SLC35D4: variants seen among roughly 807,000 people sequenced by gnomAD.
SLC35D4 encodes solute carrier family 35 member D4.
At chr18:23,286,998 A>T in the SLC35D4 span, among the ~76,000 whole-genome samples, 1 of 150,136 alleles carries the variant, frequency 6.7e-6, no homozygotes, top group Non-Finnish European at 1.5e-5. Flanking sequence ...TGCACCCCTT[A>T]CCATCTCCTT....
the SLC35D4 span, among the ~76,000 whole-genome samples, chr18:23,357,096 C>A: frequency 6.6e-6 from 1 of 152,180 alleles, no homozygotes; most frequent in Admixed American, 6.5e-5. Context: ...GGCAGCCAAC[C>A]CTGCACAAGG....
the SLC35D4 span, among the ~76,000 whole-genome samples, chr18:23,277,884 G>C: frequency 4.6e-5 from 7 of 152,190 alleles, no homozygotes; most frequent in African/African-American, 1.4e-4. Context: ...AGAGGAGTCT[G>C]TCTAAAGTTG....
the SLC35D4 span, among the ~76,000 whole-genome samples, chr18:23,406,318 T>G: frequency 2.6e-5 from 4 of 152,178 alleles, no homozygotes; most frequent in Non-Finnish European, 5.9e-5. Flanking sequence ...AGTTCTAGTA[T>G]AAGCCATGTC....
At chr18:23,297,473 G>A in the SLC35D4 span, 19,104 of 151,806 alleles carry the variant, frequency 0.13, 1,565 homozygotes, top group Admixed American at 0.26. Context: ...AGCTGTGATC[G>A]CACCACTGTG....
chr18:23,313,156 A>AAAAAAAAAAAAAT, the SLC35D4 span, among the ~76,000 whole-genome samples: 1 of 146,524 alleles, frequency 6.8e-6, no homozygotes, highest in Non-Finnish European at 1.5e-5. Context: ...AAAAAAAAAA[A>AAAAAAAAAAAAAT]AGAACCTGAG....
chr18:23,253,084 T>TG, the SLC35D4 span: 7 of 1,440,424 alleles, frequency 4.9e-6, no homozygotes, highest in Non-Finnish European at 6.9e-6. Flanking sequence ...AGGCTGGACT[T>TG]GCCTGTGACC....
chr18:23,294,994 C>G, the SLC35D4 span, among the ~76,000 whole-genome samples: 1 of 151,938 alleles, frequency 6.6e-6, no homozygotes, highest in African/African-American at 2.4e-5. Context: ...CTTGGAAAGA[C>G]AGGTATAAAA....
At chr18:23,315,843 T>C in the SLC35D4 span, among the ~76,000 whole-genome samples, 1 of 152,138 alleles carries the variant, frequency 6.6e-6, no homozygotes, top group Admixed American at 6.5e-5. Context: ...CAGAGTCATA[T>C]AAGAATAAGG....
At chr18:23,262,801 G>A in the SLC35D4 span, among the ~76,000 whole-genome samples, 1 of 152,238 alleles carries the variant, frequency 6.6e-6, no homozygotes, top group African/African-American at 2.4e-5. Flanking sequence ...TGAAGCAATT[G>A]TCTGGTCCCA....
the SLC35D4 span, chr18:23,371,348 G>A: frequency 8.8e-6 from 11 of 1,245,580 alleles, no homozygotes; most frequent in Non-Finnish European, 1.1e-5. Flanking sequence ...ACTTGCCTTG[G>A]CCTCCCAAAG....
chr18:23,271,437 C>T, the SLC35D4 span, among the ~76,000 whole-genome samples: 7 of 152,196 alleles, frequency 4.6e-5, no homozygotes, highest in Non-Finnish European at 1.0e-4. Context: ...TGGCATTAGC[C>T]CACGGTGGAA....
At chr18:23,415,578 C>T in the SLC35D4 span, among the ~76,000 whole-genome samples, 1 of 152,224 alleles carries the variant, frequency 6.6e-6, no homozygotes, top group African/African-American at 2.4e-5. Context: ...ACGGTGCTAA[C>T]AGATGTCCAG....
At chr18:23,352,916 G>A in the SLC35D4 span, among the ~76,000 whole-genome samples, 1 of 152,202 alleles carries the variant, frequency 6.6e-6, no homozygotes, top group Non-Finnish European at 1.5e-5. Flanking sequence ...TCAGGAGTGT[G>A]GACCAACAAG....
chr18:23,249,353 G>GC, the SLC35D4 span, among the ~76,000 whole-genome samples: 1 of 152,192 alleles, frequency 6.6e-6, no homozygotes, highest in African/African-American at 2.4e-5. Context: ...AGCAGCCTCA[G>GC]CCCCGGGGGT....
chr18:23,436,949 G>A, the SLC35D4 span, among the ~76,000 whole-genome samples: 2 of 152,206 alleles, frequency 1.3e-5, no homozygotes, highest in Admixed American at 1.3e-4. Flanking sequence ...GAAAGGAAGA[G>A]CGGGGAGCAG....
At chr18:23,373,015 A>C in the SLC35D4 span, among the ~76,000 whole-genome samples, 1 of 152,052 alleles carries the variant, frequency 6.6e-6, no homozygotes, top group Non-Finnish European at 1.5e-5. Flanking sequence ...GGATAATAAA[A>C]TAAAAATCAT....
the SLC35D4 span, among the ~76,000 whole-genome samples, chr18:23,307,357 C>G: frequency 6.6e-6 from 1 of 152,368 alleles, no homozygotes; most frequent in African/African-American, 2.4e-5. Context: ...ATTACTTCCT[C>G]CCTCACCTTC....
the SLC35D4 span, among the ~76,000 whole-genome samples, chr18:23,404,992 C>CAAAAAAAAAAAA: frequency 2.2e-5 from 1 of 44,498 alleles, no homozygotes; most frequent in Non-Finnish European, 4.5e-5. Context: ...GACTCCGTCT[C>CAAAAAAAAAAAA]AAAAAAAAAA....
chr18:23,408,168 CA>C, the SLC35D4 span, among the ~76,000 whole-genome samples: 49 of 152,194 alleles, frequency 3.2e-4, no homozygotes, highest in African/African-American at 1.1e-3. Flanking sequence ...CACACACACA[CA>C]CACACACACA....
Sources: allele counts gnomAD v4.1 joint callset (sites outside exome capture counted in the v4.1 genomes callset), GRCh38; gene constraint gnomAD v4.1.1; transcripts MANE v1.5; gene names NCBI Gene and HGNC (gene_info 2026-07-23, HGNC 2026-07-21).